CACNA1C: variants seen among roughly 807,000 people sequenced by gnomAD.
CACNA1C encodes the protein calcium voltage-gated channel subunit alpha1 C.
In CACNA1C, 30 loss-of-function variants were observed where a neutral mutation model predicts 229.0. The ratio of observed to expected loss-of-function variants is 0.13; its 90% CI spans 0.10 to 0.18. CACNA1C has a LOEUF of 0.18. Ranked by LOEUF, CACNA1C falls within the 10% of genes least tolerant of loss-of-function variation. The pLI, the probability that CACNA1C is intolerant of heterozygous loss-of-function variation, is 1.00. For synonymous variants in CACNA1C, 1,114 were observed against 1,132.5 expected (o/e 0.98, Z 0.33); for missense variants, 1,658 against 2,845.0 (o/e 0.58, Z 9.49).
chr12:2,199,848 C>T (rs115397788), intron 3 of CACNA1C, among the ~76,000 whole-genome samples: 3 of 152,238 alleles, frequency 2.0e-5, no homozygotes, highest in South Asian at 4.2e-4. Context: ...TATCACTGCA[C>T]TCAGTCTGGG....
chr12:2,208,548 T>C (rs2097825964), intron 3 of CACNA1C, among the ~76,000 whole-genome samples: 1 of 152,140 alleles, frequency 6.6e-6, no homozygotes, highest in African/African-American at 2.4e-5. Context: ...ATAAATCTGC[T>C]ATGCAGTGCA....
intron 3 of CACNA1C, among the ~76,000 whole-genome samples, chr12:2,294,704 T>G (rs1447470336): frequency 1.3e-5 from 2 of 152,152 alleles, no homozygotes; most frequent in Admixed American, 1.3e-4. Flanking sequence ...AATGGCTTTG[T>G]TAGTTAATAT....
intron 3 of CACNA1C, among the ~76,000 whole-genome samples, chr12:2,419,553 C>G (rs2098952881): frequency 1.3e-5 from 2 of 152,180 alleles, no homozygotes; most frequent in South Asian, 4.1e-4. Flanking sequence ...CATCCCAGAT[C>G]TACCATGAAT....
chr12:2,496,562 G>A (rs2099747219), intron 7 of CACNA1C, among the ~76,000 whole-genome samples: 1 of 152,230 alleles, frequency 6.6e-6, no homozygotes, highest in Admixed American at 6.5e-5. Flanking sequence ...TCCAGTTGTG[G>A]ATGATACAGT....
chr12:2,044,801 T>C (rs1051430375), intron 1 of CACNA1C, among the ~76,000 whole-genome samples: 1 of 152,208 alleles, frequency 6.6e-6, no homozygotes, highest in Non-Finnish European at 1.5e-5. Context: ...AAGGGTTACC[T>C]GACCTGTGTA....
At chr12:1,992,897 A>C (rs2039803909) in intron 1 of CACNA1C, 1 of 505,624 alleles carries the variant, frequency 2.0e-6, no homozygotes, top group South Asian at 3.2e-5. Context: ...GCCATAGCAG[A>C]CTCGTTAATT....
At chr12:2,239,650 C>T (rs1460584063) in intron 3 of CACNA1C, among the ~76,000 whole-genome samples, 2 of 152,174 alleles carry the variant, frequency 1.3e-5, no homozygotes, top group Non-Finnish European at 2.9e-5. Flanking sequence ...CTGTCCCCCA[C>T]CCCTGCCTGG....
chr12:2,180,588 C>A (rs1479836574), intron 3 of CACNA1C, among the ~76,000 whole-genome samples: 1 of 152,170 alleles, frequency 6.6e-6, no homozygotes, highest in Non-Finnish European at 1.5e-5. Context: ...ACTACAGTGG[C>A]TCAGTTCCCA....
chr12:2,415,665 C>T (rs181637758), intron 3 of CACNA1C, among the ~76,000 whole-genome samples: 8 of 152,252 alleles, frequency 5.3e-5, no homozygotes, highest in East Asian at 1.9e-4. Flanking sequence ...CAGTGGTGAC[C>T]GTCAGTGGCA....
At chr12:2,522,397 T>C (rs1042930595) in intron 9 of CACNA1C, among the ~76,000 whole-genome samples, 2 of 152,250 alleles carry the variant, frequency 1.3e-5, no homozygotes, top group African/African-American at 4.8e-5. Flanking sequence ...TAAGGTCTGA[T>C]AGCCCTATAT....
chr12:2,119,042 C>T (rs575692512), intron 2 of CACNA1C, among the ~76,000 whole-genome samples: 3 of 152,314 alleles, frequency 2.0e-5, no homozygotes, highest in Admixed American at 6.5e-5. Flanking sequence ...TGCCCCTTAA[C>T]ACGTCAGAAG....
chr12:2,610,597 G>C lies in CACNA1C; in HGVS notation c.3615G>C (p.Lys1205Asn), dbSNP rs746194693. The C allele has an allele frequency of 1.9e-6, 3 of 1,614,118 alleles. No homozygotes were observed. The South Asian group carries it at 3.3e-5, about 18-fold the overall frequency. The change falls in exon 28 of 47, where the codon AAG becomes AAC. Residue 1205 changes from lysine to asparagine, a missense_variant. By Grantham distance (94) the Lys-to-Asn change is moderately conservative (BLOSUM62 0). This residue lies in a region of CACNA1C where 67 missense variants were observed against 106.4 expected (regional missense o/e 0.63). Coordinates refer to ENST00000399655, the MANE Select transcript of CACNA1C (RefSeq NM_000719.7). The stretch of plus-strand genomic sequence containing the variant: ...GGCCCCTGCGGAGGTACATCCCCAA[G>C]AACCAGCACCAGTACAAAGTGTGGT... ...KARPLRRYIP[K>N]NQHQYKVWYV...
chr12:2,354,491 C>T lies in CACNA1C; in HGVS notation c.478-94485C>T, dbSNP rs1010598551. Among the ~76,000 whole-genome samples, 10 of 152,264 alleles carry T rather than the reference C, an allele frequency of 6.6e-5. No individual in the cohort carries two copies. Among genetic ancestry groups the T allele is most frequent in the East Asian group, 1.9e-4 (1 of 5,170 alleles). The stretch of plus-strand genomic sequence containing the variant: ...GAACAGGAGACTGTTGAGAAGGGGA[C>T]GGAGAACCTCACCAGCAGCTGAATT... On this transcript the variant is annotated intron_variant, in intron 3 of 46. Coordinates refer to ENST00000399655, the MANE Select transcript of CACNA1C (RefSeq NM_000719.7). This position sits in a 1 kb window ranked among gnomAD's most constrained non-coding sequence, Gnocchi z 4.6.
chr12:2,536,726 G>A (rs1236874839), intron 9 of CACNA1C, among the ~76,000 whole-genome samples: 1 of 152,162 alleles, frequency 6.6e-6, no homozygotes, highest in Non-Finnish European at 1.5e-5. Context: ...CTACTCTCAA[G>A]GTTGTGGTGG....
rs935519152 is a variant in CACNA1C, at chr12:2,679,304, C to T, written c.5092-140C>T. On this transcript the variant is annotated intron_variant, in intron 41 of 46. Coordinates refer to ENST00000399655, the MANE Select transcript of CACNA1C (RefSeq NM_000719.7). The surrounding 1 kb of genome is among the most constrained non-coding windows in gnomAD (Gnocchi z 5.5). ...GAAGGTCCTCAGGTGCTCCTGGCTC[C>T]CAGCAGGGCTGTGCCTACCCGAAAG... is the stretch of plus-strand genomic sequence containing the variant. 1 of 620,452 alleles carries T rather than the reference C, an allele frequency of 1.6e-6. No individual in the cohort carries two copies. Among genetic ancestry groups the T allele is most frequent in the Non-Finnish European group, 2.7e-6 (1 of 363,850 alleles). The allele number at this position is 620,452 out of a possible 1,614,324, so 38.4% of individuals were successfully genotyped here.
intron 2 of CACNA1C, among the ~76,000 whole-genome samples, 174 bp downstream of exon 2, chr12:2,115,719 C>T (rs2083552970): frequency 1.3e-5 from 2 of 152,252 alleles, no homozygotes; most frequent in Admixed American, 6.5e-5. Flanking sequence ...TGGGCCCCGC[C>T]CTAGACTGGA....
At chr12:2,519,608 C>A (rs555867690) in intron 9 of CACNA1C, among the ~76,000 whole-genome samples, 3 of 152,180 alleles carry the variant, frequency 2.0e-5, no homozygotes, top group Non-Finnish European at 2.9e-5. Flanking sequence ...ATTGAAGTGC[C>A]GTGGGAAAGC....
chr12:2,635,791 G>A (rs981113165), intron 30 of CACNA1C, among the ~76,000 whole-genome samples: 5 of 152,010 alleles, frequency 3.3e-5, no homozygotes, highest in Admixed American at 1.3e-4. Flanking sequence ...GTCTTTGTCC[G>A]GTGTGTGTGT....
At chr12:2,016,947 C>G (rs1260917691) in intron 1 of CACNA1C, among the ~76,000 whole-genome samples, 1 of 152,190 alleles carries the variant, frequency 6.6e-6, no homozygotes, top group African/African-American at 2.4e-5. Flanking sequence ...GGTTTAGAAG[C>G]TTCCTGTTCC....
Sources: gnomAD v4.1 joint callset for allele counts (sites outside exome capture counted in the v4.1 genomes callset) on GRCh38, gnomAD v4.1.1 for gene constraint, gnomAD v4.1.1 regional missense constraint, Gnocchi (gnomAD v3.1) non-coding constraint, MANE v1.5 for transcripts, NCBI Gene and HGNC (gene_info 2026-07-23, HGNC 2026-07-21) for gene names.